The following TBC1D31 variants were observed in gnomAD, a reference collection of about 807,000 sequenced individuals.
TBC1D31 encodes the protein TBC1 domain family member 31, also known as WD repeat domain 67.
A neutral mutation model predicts 132.9 loss-of-function variants in TBC1D31; 99 were observed. That is an observed-to-expected ratio of 0.74 (90% CI 0.63 to 0.88). TBC1D31 has a LOEUF of 0.88. Among genes scored for constraint, TBC1D31 ranks in the 40% least tolerant of loss-of-function variants. The pLI is 0.00. For synonymous variants in TBC1D31, 385 were observed against 419.4 expected (o/e 0.92, Z 1.00); for missense variants, 1,134 against 1,256.6 (o/e 0.90, Z 1.48).
chr8:123,082,316 T>C (rs1815251035), intron 2 of TBC1D31, among the ~76,000 whole-genome samples: 1 of 152,054 alleles, frequency 6.6e-6, no homozygotes, highest in Non-Finnish European at 1.5e-5. Context: ...TCACTCCATG[T>C]TGAATCCATA....
rs1421027416 is a variant in TBC1D31, at chr8:123,129,155, C to G, written c.2207C>G (p.Ala736Gly). ...WYQKQELLRK[A>G]EETRREMLLQ... Reference sequence around the variant, plus strand: ...CAGAAACAGGAGCTGCTTCGTAAAGCTGAAGAAACAAGAAGAGAAATGCTC... The same window carrying G: ...CAGAAACAGGAGCTGCTTCGTAAAGGTGAAGAAACAAGAAGAGAAATGCTC... Residue 736 changes from alanine to glycine, a missense_variant, in exon 15 of 22, where the codon GCT becomes GGT. By Grantham distance (60) the Ala-to-Gly change is moderately conservative. Coordinates refer to ENST00000287380, the MANE Select transcript of TBC1D31 (RefSeq NM_145647.4). 1.2e-6 allele frequency: 2 copies of G among 1,606,556 alleles called. No homozygotes were observed. The highest frequency in any genetic ancestry group is 2.7e-5 in the African/African-American group (2 of 74,626).
chr8:123,098,822 T>TA (rs1817083235), intron 6 of TBC1D31, among the ~76,000 whole-genome samples: 1 of 152,244 alleles, frequency 6.6e-6, no homozygotes, highest in South Asian at 2.1e-4. Context: ...ATAAAGGTTA[T>TA]GTGCATCTGT....
At chr8:123,149,878 C>T (rs1822603225) in intron 20 of TBC1D31, among the ~76,000 whole-genome samples, 158 bp from the exon 21 acceptor site, 1 of 152,194 alleles carries the variant, frequency 6.6e-6, no homozygotes, top group African/African-American at 2.4e-5. Context: ...AATGACACTT[C>T]CTTGCCTTTT....
intron 2 of TBC1D31, among the ~76,000 whole-genome samples, chr8:123,078,218 A>G (rs1022894228): frequency 6.6e-6 from 1 of 152,222 alleles, no homozygotes; most frequent in Non-Finnish European, 1.5e-5. Flanking sequence ...GGGTGTCTGC[A>G]TAGCGAATGG....
intron 20 of TBC1D31, among the ~76,000 whole-genome samples, chr8:123,149,440 T>C (rs1177296322): frequency 6.6e-6 from 1 of 152,234 alleles, no homozygotes; most frequent in Non-Finnish European, 1.5e-5. Flanking sequence ...GGGACCATTA[T>C]AAGCCATGTC....
intron 10 of TBC1D31, 50 bp downstream of exon 10, chr8:123,109,670 T>C (rs1390957601): frequency 6.8e-7 from 1 of 1,462,672 alleles, no homozygotes; most frequent in East Asian, 2.3e-5. Flanking sequence ...AACTAATAAT[T>C]GCAATGTTAT....
At chr8:123,161,916 G>T in the TBC1D31 span, among the ~76,000 whole-genome samples, 6 of 151,302 alleles carry the variant, frequency 4.0e-5, no homozygotes, top group Non-Finnish European at 5.9e-5. Context: ...TACTCGGGAG[G>T]CTAAGGCAGG....
chr8:123,112,736 T>C (rs1818569694), intron 10 of TBC1D31, among the ~76,000 whole-genome samples: 1 of 152,214 alleles, frequency 6.6e-6, no homozygotes, highest in South Asian at 2.1e-4. Context: ...TCATAAATGT[T>C]AGATGCTGAG....
In TBC1D31 at chr8:123,128,503, T is replaced by C. The variant is rs539229100; in HGVS notation, c.2107T>C (p.Leu703=). Residue 703 remains leucine, a synonymous_variant, in exon 14 of 22, where the codon TTA becomes CTA. Transcript: ENST00000287380. ...AATAAGGAATGATGAATTGGATTAC[T>C]TAAGAGAGAGGTAATTATGGAATAG... ...ERIRNDELDY[L]RERQTVEDMQ... The C allele has an allele frequency of 3.8e-4, 606 of 1,592,322 alleles. 4 individuals carry two copies. The South Asian group carries it at 6.2e-3, about 16-fold the overall frequency.
At chr8:123,160,392 T>G in the TBC1D31 span, among the ~76,000 whole-genome samples, 1 of 148,182 alleles carries the variant, frequency 6.7e-6, no homozygotes, top group Non-Finnish European at 1.5e-5. Context: ...AAAGGCGAAC[T>G]GTAGGAATTA....
At chr8:123,125,567 G>A (rs1819954082) in intron 11 of TBC1D31, among the ~76,000 whole-genome samples, 1 of 152,042 alleles carries the variant, frequency 6.6e-6, no homozygotes, top group South Asian at 2.1e-4. Flanking sequence ...AAGGGATTAG[G>A]GATACAGTAT....
intron 11 of TBC1D31, among the ~76,000 whole-genome samples, chr8:123,124,130 A>G (rs1342997231): frequency 6.6e-6 from 1 of 152,030 alleles, no homozygotes; most frequent in Non-Finnish European, 1.5e-5. Flanking sequence ...AGTAAGCACA[A>G]TTTTAAAAAA....
intron 20 of TBC1D31, among the ~76,000 whole-genome samples, chr8:123,147,060 G>T (rs1425225132): frequency 1.3e-5 from 2 of 152,148 alleles, no homozygotes; most frequent in African/African-American, 4.8e-5. Context: ...AGGTGGAGAG[G>T]AGTAGAATGT....
chr8:123,136,811 C>A (rs1426497997), intron 17 of TBC1D31, among the ~76,000 whole-genome samples: 1 of 152,142 alleles, frequency 6.6e-6, no homozygotes, highest in East Asian at 1.9e-4. Context: ...TCTCTTTTTG[C>A]TGTCTTTTGA....
chr8:123,131,749 T>G (rs1392819373), intron 16 of TBC1D31, among the ~76,000 whole-genome samples: 4 of 143,752 alleles, frequency 2.8e-5, no homozygotes, highest in Non-Finnish European at 6.1e-5. Flanking sequence ...TCTCTAAAAA[T>G]GAAACAGTTT....
At chr8:123,147,987 C>T (rs1402378399) in intron 20 of TBC1D31, among the ~76,000 whole-genome samples, 2 of 151,862 alleles carry the variant, frequency 1.3e-5, no homozygotes, top group Non-Finnish European at 2.9e-5. Flanking sequence ...ATTAGCCAGG[C>T]GTGGTGGTAC....
At chr8:123,077,322 C>G in intron 2 of TBC1D31, 65 bp downstream of exon 2, 1 of 1,412,480 alleles carries the variant, frequency 7.1e-7, no homozygotes, top group Non-Finnish European at 9.6e-7. Context: ...TGTTTTCGTA[C>G]CTGCTATTCA....
rs1342219872 is a variant in TBC1D31 at position 123,115,256 on chromosome 8, C to G, written c.1437-4799C>G. Among the ~76,000 whole-genome samples the G allele has an allele frequency of 3.9e-5, 6 of 152,158 alleles. No individual in the cohort carries two copies. The East Asian group carries it at 1.2e-3, about 29-fold the overall frequency. ...CTGAGAGTCAGTCAAAAGATGGCAA[C>G]TCAGCATTGAATATGTAACTTCTGT... On this transcript the variant is annotated intron_variant, in intron 10 of 21. Coordinates refer to ENST00000287380, the MANE Select transcript of TBC1D31 (RefSeq NM_145647.4).
chr8:123,072,733 C>T lies in TBC1D31; in HGVS notation c.-37C>T. ...TGCCGGGAAGGCGCTGGGACGGTTA[C>T]CCAGCGGGCCGCCGGCGGTCGTGGG... On this transcript the variant is annotated 5_prime_UTR_variant, in exon 1 of 22. Transcript: ENST00000287380. 1 of 1,548,956 alleles carries T rather than the reference C, an allele frequency of 6.5e-7. No homozygotes were observed. Among genetic ancestry groups the T allele is most frequent in the Non-Finnish European group, 8.7e-7 (1 of 1,145,758 alleles).
Sources: gnomAD v4.1 joint callset for allele counts (sites outside exome capture counted in the v4.1 genomes callset) on GRCh38, gnomAD v4.1.1 for gene constraint, MANE v1.5 for transcripts, NCBI Gene and HGNC (gene_info 2026-07-23, HGNC 2026-07-21) for gene names.